Variants in SDK1 observed in about 807,000 individuals in gnomAD.
SDK1 encodes the protein protein sidekick-1.
In SDK1, 157 loss-of-function variants were observed where a neutral mutation model predicts 245.5. That is an observed-to-expected ratio of 0.64 (90% CI 0.56 to 0.73). The LOEUF is 0.73. Ranked by LOEUF, SDK1 falls within the 30% of genes least tolerant of loss-of-function variation. SDK1 has a pLI of 0.00. For missense variants in SDK1, 3,583 were observed against 3,002.3 expected (o/e 1.19, Z -4.52); for synonymous variants, 1,647 against 1,278.5 (o/e 1.29, Z -6.15).
chr7:3,362,106 A>G (rs776748765), intron 1 of SDK1, among the ~76,000 whole-genome samples: 21 of 152,316 alleles, frequency 1.4e-4, no homozygotes, highest in Non-Finnish European at 2.5e-4. Context: ...CCTAGTTCTT[A>G]TAATAGCATT....
At chr7:3,662,465 T>C (rs1357290187) in intron 4 of SDK1, among the ~76,000 whole-genome samples, 2 of 152,154 alleles carry the variant, frequency 1.3e-5, no homozygotes, top group Non-Finnish European at 2.9e-5. Flanking sequence ...ACAACTCTCC[T>C]AGATTCTGTT....
chr7:3,973,298 G>A (rs1782635631), intron 12 of SDK1, among the ~76,000 whole-genome samples: 1 of 152,134 alleles, frequency 6.6e-6, no homozygotes, highest in South Asian at 2.1e-4. Context: ...AAATGTCTGT[G>A]CTTATGACTA....
chr7:3,952,867 T>C (rs1216607366), intron 7 of SDK1, among the ~76,000 whole-genome samples: 1 of 152,098 alleles, frequency 6.6e-6, no homozygotes, highest in Non-Finnish European at 1.5e-5. Context: ...CAAAACCTAT[T>C]ATCAGTTTAT....
chr7:4,002,252 G>A (rs113548305), intron 14 of SDK1, among the ~76,000 whole-genome samples: 1 of 142,486 alleles, frequency 7.0e-6, no homozygotes, highest in South Asian at 2.3e-4. Context: ...GGCTCCAGCC[G>A]GAGGGGTGAG....
chr7:3,325,476 A>C (rs1779918539), intron 1 of SDK1, among the ~76,000 whole-genome samples: 1 of 152,186 alleles, frequency 6.6e-6, no homozygotes, highest in South Asian at 2.1e-4. Context: ...TAAAGAATTT[A>C]AGCGTGGCAC....
intron 1 of SDK1, among the ~76,000 whole-genome samples, chr7:3,497,812 A>G (rs750769568): frequency 2.0e-5 from 3 of 152,212 alleles, no homozygotes; most frequent in Non-Finnish European, 4.4e-5. Flanking sequence ...ATAATTTGAC[A>G]GACAAACACT....
At chr7:3,589,160 C>T (rs973135473) in intron 1 of SDK1, among the ~76,000 whole-genome samples, 1 of 152,208 alleles carries the variant, frequency 6.6e-6, no homozygotes, top group East Asian at 1.9e-4. Flanking sequence ...CTTTTGACGT[C>T]AGTACTGATC....
Position 3,558,466 on chromosome 7 carries a change from A to G in SDK1, c.299-60614A>G, listed in dbSNP as rs58504043. On this transcript the variant is annotated intron_variant, in intron 1 of 44. Transcript: ENST00000404826. ...ATTCCAGGATTTGTTTGAAAAGATCATAGAGAAGATTAGAATTAGCCTGGC... is the reference window on the plus strand; with the variant it reads ...ATTCCAGGATTTGTTTGAAAAGATCGTAGAGAAGATTAGAATTAGCCTGGC... 5.4e-3 allele frequency among the ~76,000 whole-genome samples: 817 copies of G among 152,348 alleles called. 5 individuals are homozygous for G. Among genetic ancestry groups the G allele is most frequent in the African/African-American group, 0.019 (780 of 41,572 alleles).
chr7:3,691,850 T>A (rs751975367), intron 4 of SDK1, among the ~76,000 whole-genome samples: 1 of 152,184 alleles, frequency 6.6e-6, no homozygotes, highest in Non-Finnish European at 1.5e-5. Context: ...AAATGTATTA[T>A]AAGGCAGGTA....
chr7:3,303,759 T>C (rs1779343251), intron 1 of SDK1, among the ~76,000 whole-genome samples: 1 of 152,232 alleles, frequency 6.6e-6, no homozygotes, highest in African/African-American at 2.4e-5. Context: ...CATCTTTTTT[T>C]ATATCGTATT....
In SDK1 at chr7:3,965,935, T is replaced by C. The variant is rs899500330; in HGVS notation, c.1430-1383T>C. Among the ~76,000 whole-genome samples the C allele has an allele frequency of 2.3e-4, 35 of 151,176 alleles. 1 individual carries two copies. The highest frequency in any genetic ancestry group is 8.3e-4 in the African/African-American group (34 of 41,110). On this transcript the variant is annotated intron_variant, in intron 9 of 44. Transcript: ENST00000404826. ...ATGTGTGCAGGTGAAGGGAGGCGGATAGGTTGGGGCTCAGTGACAAGCAGG... is the reference window on the plus strand; with the variant it reads ...ATGTGTGCAGGTGAAGGGAGGCGGACAGGTTGGGGCTCAGTGACAAGCAGG...
intron 42 of SDK1, 31 bp downstream of exon 42, chr7:4,237,815 C>A: frequency 6.2e-7 from 1 of 1,612,450 alleles, no homozygotes; most frequent in Non-Finnish European, 8.5e-7. Context: ...TCGCGTGTCC[C>A]ACGATGCCAC....
intron 1 of SDK1, among the ~76,000 whole-genome samples, chr7:3,507,052 T>G (rs1782416872): frequency 6.6e-6 from 1 of 152,158 alleles, no homozygotes; most frequent in South Asian, 2.1e-4. Context: ...GAGTTTTGTT[T>G]GGTGGGTGAA....
intron 1 of SDK1, among the ~76,000 whole-genome samples, chr7:3,429,137 G>A (rs1779759407): frequency 1.3e-5 from 2 of 152,164 alleles, no homozygotes; most frequent in South Asian, 4.2e-4. Flanking sequence ...GGCTCAGTTT[G>A]GAGCATCTAA....
At chr7:3,655,467 AT>A (rs1335059861) in intron 4 of SDK1, among the ~76,000 whole-genome samples, 1 of 26,548 alleles carries the variant, frequency 3.8e-5, no homozygotes, top group Non-Finnish European at 1.0e-4. Context: ...ATATATATAT[AT>A]ATATATATAT....
At chr7:3,408,432 A>T (rs745565469) in intron 1 of SDK1, among the ~76,000 whole-genome samples, 2 of 152,226 alleles carry the variant, frequency 1.3e-5, no homozygotes, top group African/African-American at 2.4e-5. Flanking sequence ...CCTGTTTAAA[A>T]TTAGAGCATT....
intron 1 of SDK1, among the ~76,000 whole-genome samples, chr7:3,491,441 G>A (rs758609627): frequency 2.0e-5 from 3 of 152,224 alleles, no homozygotes; most frequent in Non-Finnish European, 2.9e-5. Flanking sequence ...TGTAAACAGT[G>A]CAGTTGCTAC....
chr7:3,902,389 T>G (rs1285444334), intron 5 of SDK1, among the ~76,000 whole-genome samples: 8 of 152,220 alleles, frequency 5.3e-5, no homozygotes. Flanking sequence ...CACAAAATTG[T>G]TTTTGGAATT....
chr7:3,701,036 G>A (rs573760080), intron 4 of SDK1, among the ~76,000 whole-genome samples: 14 of 152,274 alleles, frequency 9.2e-5, no homozygotes, highest in Admixed American at 2.6e-4. Context: ...ACCAGTTGCC[G>A]CGCAGGGAGG....
Sources: gnomAD v4.1 joint callset for allele counts (sites outside exome capture counted in the v4.1 genomes callset) on GRCh38, gnomAD v4.1.1 for gene constraint, MANE v1.5 for transcripts, NCBI Gene and HGNC (gene_info 2026-07-23, HGNC 2026-07-21) for gene names.